The following RIMKLA variants were observed in gnomAD, a reference collection of about 807,000 sequenced individuals.
RIMKLA encodes the protein N-acetylaspartylglutamate synthase A.
In RIMKLA, 14 loss-of-function variants were observed where a neutral mutation model predicts 32.7. That is an observed-to-expected ratio of 0.43 (90% CI 0.28 to 0.67). The LOEUF is 0.67. Ranked by LOEUF, RIMKLA falls within the 30% of genes least tolerant of loss-of-function variation. The pLI is 0.18. For missense variants in RIMKLA, 410 were observed against 519.0 expected, an observed-to-expected ratio of 0.79 and a Z score of 2.04; for synonymous variants, 176 against 204.1, an observed-to-expected ratio of 0.86 and a Z score of 1.18.
At chr1:42,386,059 C>T (rs1390972553) in intron 1 of RIMKLA, among the ~76,000 whole-genome samples, 1 of 151,492 alleles carries the variant, frequency 6.6e-6, no homozygotes, top group Non-Finnish European at 1.5e-5. Flanking sequence ...GTATCTGGGA[C>T]TACAGGCATG....
At chr1:42,381,180 C>T (rs1013606384) in intron 1 of RIMKLA, 83 bp downstream of exon 1, 4 of 1,084,708 alleles carry the variant, frequency 3.7e-6, no homozygotes, top group Non-Finnish European at 4.7e-6. Flanking sequence ...CGCCGGGCCT[C>T]CCGCAGCAGA....
At chr1:42,388,320 T>A (rs1427789283) in intron 1 of RIMKLA, among the ~76,000 whole-genome samples, 1 of 152,106 alleles carries the variant, frequency 6.6e-6, no homozygotes, top group African/African-American at 2.4e-5. Flanking sequence ...TTCTCCTGCC[T>A]CAGCCTCTCT....
At chr1:42,397,888 G>T (rs1347394440) in intron 1 of RIMKLA, among the ~76,000 whole-genome samples, 2 of 152,250 alleles carry the variant, frequency 1.3e-5, no homozygotes, top group East Asian at 3.9e-4. Context: ...GGTGCACCAT[G>T]GAGACCTAGG....
chr1:42,385,838 T>TCCTTCC (rs1557749878), intron 1 of RIMKLA, among the ~76,000 whole-genome samples: 3 of 69,476 alleles, frequency 4.3e-5, no homozygotes, highest in Non-Finnish European at 6.9e-5. Flanking sequence ...CTTTCTTTCT[T>TCCTTCC]TCTTTCTCTT....
rs1642878975 is a variant in RIMKLA at position 42,380,814 on chromosome 1, C to T, written c.-121C>T. Reference sequence around the variant, plus strand: ...GCTGCAGAGACGCCTGGCGCACCCGCGGGAGCGGAGCCGTGGCGCGCTCGC... The same window carrying T: ...GCTGCAGAGACGCCTGGCGCACCCGTGGGAGCGGAGCCGTGGCGCGCTCGC... On this transcript the variant is annotated 5_prime_UTR_variant, in exon 1 of 5. Transcript: ENST00000431473. The T allele has an allele frequency of 4.5e-6, 2 of 445,996 alleles. No individual in the cohort carries two copies. The highest frequency in any genetic ancestry group is 6.2e-6 in the Non-Finnish European group (2 of 323,462). 27.6% of individuals were successfully genotyped at this position (445,996 alleles called of 1,614,324 possible).
chr1:42,400,709 C>T (rs1375076936), intron 2 of RIMKLA, among the ~76,000 whole-genome samples: 2 of 152,096 alleles, frequency 1.3e-5, no homozygotes, highest in Admixed American at 6.6e-5. Flanking sequence ...CAGTTTGGGA[C>T]ATGATCTGTT....
At chr1:42,411,614 C>A (rs1297027157) in intron 4 of RIMKLA, among the ~76,000 whole-genome samples, 1 of 151,714 alleles carries the variant, frequency 6.6e-6, no homozygotes, top group East Asian at 1.9e-4. Context: ...GTGTGTACCA[C>A]CACACCTGGC....
rs1642966624 is a variant in RIMKLA, at chr1:42,388,199, A to C, written c.163+7102A>C. The stretch of plus-strand genomic sequence containing the variant: ...TTTACTCTGGATGAGCTGGGAATCC[A>C]CTGAAGGATATTTTTTGTTTGTTTG... On this transcript the variant is annotated intron_variant, in intron 1 of 4. Transcript: ENST00000431473. Among the ~76,000 whole-genome samples, 6 of 152,098 alleles carry C rather than the reference A, an allele frequency of 3.9e-5. No individual in the cohort carries two copies. In the South Asian group the frequency reaches 1.2e-3, roughly 32 times the overall value.
chr1:42,405,963 G>A (rs1161492193), intron 3 of RIMKLA, among the ~76,000 whole-genome samples: 1 of 152,216 alleles, frequency 6.6e-6, no homozygotes, highest in Non-Finnish European at 1.5e-5. Flanking sequence ...GGGTGGCAAA[G>A]TGGGACTCTT....
chr1:42,404,916 C>T (rs1337868255), intron 3 of RIMKLA, among the ~76,000 whole-genome samples: 1 of 152,140 alleles, frequency 6.6e-6, no homozygotes, highest in Non-Finnish European at 1.5e-5. Flanking sequence ...GAAAAACCCT[C>T]CCAAGACCCT....
At chr1:42,381,612 T>C (rs1642890232) in intron 1 of RIMKLA, among the ~76,000 whole-genome samples, 3 of 152,146 alleles carry the variant, frequency 2.0e-5, no homozygotes, top group African/African-American at 4.8e-5. Flanking sequence ...CTGAGAAAGA[T>C]TGGAGTCACT....
rs1178904225 is a variant in RIMKLA at position 42,422,777 on chromosome 1, A to C, written c.*7803A>C. Among the ~76,000 whole-genome samples the C allele has an allele frequency of 1.3e-5, 2 of 152,232 alleles. No homozygotes were observed. Among genetic ancestry groups the C allele is most frequent in the African/African-American group, 4.8e-5 (2 of 41,458 alleles). On this transcript the variant is annotated 3_prime_UTR_variant, in exon 5 of 5. Transcript: ENST00000431473. The stretch of plus-strand genomic sequence containing the variant: ...ACTATAATTTTCCTTTCAAACGCAG[A>C]GTGCCGTCTGAATTGTAATACTGCC...
Position 42,405,064 on chromosome 1 carries a change from A to C in RIMKLA, c.481+467A>C, listed in dbSNP as rs114372153. On this transcript the variant is annotated intron_variant, in intron 3 of 4. Transcript: ENST00000431473. ...CATTCCAGACTACTTCTCATTCACC[A>C]AGTAGACCGTGCATTTTCCCCTCTT... is the stretch of plus-strand genomic sequence containing the variant. Among the ~76,000 whole-genome samples, 1,066 of 152,114 alleles carry C rather than the reference A, an allele frequency of 7.0e-3. 10 individuals are homozygous for C. The highest frequency in any genetic ancestry group is 0.024 in the African/African-American group (996 of 41,484).
chr1:42,387,284 C>T (rs1642958451), intron 1 of RIMKLA, among the ~76,000 whole-genome samples: 1 of 151,836 alleles, frequency 6.6e-6, no homozygotes, highest in Non-Finnish European at 1.5e-5. Context: ...TAAAAAATAG[C>T]CAGTCATGGT....
At chr1:42,412,353 T>C (rs1643205525) in intron 4 of RIMKLA, 1 of 184,064 alleles carries the variant, frequency 5.4e-6, no homozygotes, top group Non-Finnish European at 1.1e-5. Flanking sequence ...TTTTTTTTGG[T>C]CCATTGAGGC....
rs538661120 is a variant in RIMKLA, at chr1:42,421,928, C to T, written c.*6954C>T. On this transcript the variant is annotated 3_prime_UTR_variant, in exon 5 of 5. Coordinates refer to ENST00000431473, the MANE Select transcript of RIMKLA (RefSeq NM_173642.4). This position sits in a 1 kb window ranked among gnomAD's most constrained non-coding sequence, Gnocchi z 4.6. ...GGTATGGTGTGCTACAATATAATGG[C>T]GTGCTATTGCACATCTCTTCCCAAC... is the stretch of plus-strand genomic sequence containing the variant. 2.0e-5 allele frequency: 3 copies of T among 152,296 alleles called. No individual in the cohort carries two copies. Among genetic ancestry groups the T allele is most frequent in the Admixed American group, 6.5e-5 (1 of 15,296 alleles). 9.4% of individuals were successfully genotyped at this position (152,296 alleles called of 1,614,324 possible). A position where few individuals can be genotyped will look rare whatever the true frequency, so the allele number is the denominator to read the frequency against.
intron 1 of RIMKLA, among the ~76,000 whole-genome samples, chr1:42,388,530 T>G (rs1279789565): frequency 6.6e-6 from 1 of 150,472 alleles, no homozygotes; most frequent in African/African-American, 2.5e-5. Flanking sequence ...TTTTTTTTTT[T>G]TTTTTTTGAG....
chr1:42,385,811 CCT>C (rs1557749832), intron 1 of RIMKLA, among the ~76,000 whole-genome samples: 318 of 80,632 alleles, frequency 3.9e-3, no homozygotes, highest in Non-Finnish European at 5.2e-3. Flanking sequence ...CTCTCTCTTT[CCT>C]TCCTTCCTTC....
At chr1:42,405,031 T>C (rs1454025966) in intron 3 of RIMKLA, among the ~76,000 whole-genome samples, 1 of 152,188 alleles carries the variant, frequency 6.6e-6, no homozygotes, top group Non-Finnish European at 1.5e-5. Flanking sequence ...CATGAACCTT[T>C]CATAATCCAT....
Sources: gnomAD v4.1 joint callset for allele counts (sites outside exome capture counted in the v4.1 genomes callset) on GRCh38, gnomAD v4.1.1 for gene constraint, Gnocchi (gnomAD v3.1) non-coding constraint, MANE v1.5 for transcripts, NCBI Gene and HGNC (gene_info 2026-07-23, HGNC 2026-07-21) for gene names.